Variants in CACNA1E observed in about 807,000 individuals in gnomAD.
The protein encoded by CACNA1E is calcium voltage-gated channel subunit alpha1 E, also known as voltage-dependent R-type calcium channel subunit alpha-1E.
A neutral mutation model predicts 259.2 loss-of-function variants in CACNA1E; 40 were observed. The ratio of observed to expected loss-of-function variants is 0.15; its 90% CI spans 0.12 to 0.20. The LOEUF (loss-of-function observed/expected upper bound fraction) is 0.20, where lower values mean the gene tolerates loss of function less well. CACNA1E is among the 10% of genes least tolerant of loss of function. The pLI is 1.00. For missense variants in CACNA1E, 1,874 were observed against 3,040.1 expected (o/e 0.62, Z 9.02); for synonymous variants, 1,104 against 1,138.5 (o/e 0.97, Z 0.61).
intron 6 of CACNA1E, among the ~76,000 whole-genome samples, chr1:181,593,608 G>T (rs543809763): frequency 1.3e-5 from 2 of 152,012 alleles, no homozygotes; most frequent in African/African-American, 4.8e-5. Flanking sequence ...GCATGATCTC[G>T]GTTCACTGCA....
intron 2 of CACNA1E, among the ~76,000 whole-genome samples, chr1:181,432,798 G>C (rs865776188): frequency 6.6e-6 from 1 of 152,038 alleles, no homozygotes; most frequent in Admixed American, 6.6e-5. Context: ...GATTGGTCTC[G>C]ATCAGTGCTG....
chr1:181,498,077 T>A (rs889882424), intron 1 of CACNA1E, among the ~76,000 whole-genome samples: 4 of 152,206 alleles, frequency 2.6e-5, no homozygotes, highest in Non-Finnish European at 4.4e-5. Flanking sequence ...GTCCATTTTC[T>A]TTTTTCCGGT....
intron 3 of CACNA1E, among the ~76,000 whole-genome samples, chr1:181,574,599 T>G (rs1650759206): frequency 6.6e-6 from 1 of 152,198 alleles, no homozygotes; most frequent in African/African-American, 2.4e-5. Flanking sequence ...CCATTAGAAG[T>G]GTTTCAGATT....
At chr1:181,785,892 A>ACT in intron 43 of CACNA1E, 73 bp downstream of exon 43, 1 of 920,500 alleles carries the variant, frequency 1.1e-6, no homozygotes, top group Non-Finnish European at 1.7e-6. Context: ...AGACCCCAAA[A>ACT]CTCACTGCTC....
At chr1:181,581,078 C>T (rs1427013074) in intron 6 of CACNA1E, among the ~76,000 whole-genome samples, 4 of 151,944 alleles carry the variant, frequency 2.6e-5, no homozygotes, top group Admixed American at 1.3e-4. Flanking sequence ...GTTGGTTGGA[C>T]GTGGCGGTAG....
At chr1:181,654,040 A>G (rs1208875955) in intron 7 of CACNA1E, among the ~76,000 whole-genome samples, 1 of 152,186 alleles carries the variant, frequency 6.6e-6, no homozygotes, top group Non-Finnish European at 1.5e-5. Context: ...AATTATAAAA[A>G]GGTAATTGAG....
intron 2 of CACNA1E, among the ~76,000 whole-genome samples, chr1:181,423,827 G>A (rs1041726520): frequency 6.6e-6 from 1 of 152,156 alleles, no homozygotes; most frequent in Non-Finnish European, 1.5e-5. Context: ...TGCCAAAAGG[G>A]TGCATGGCAG....
At chr1:181,709,988 T>C (rs1653176804) in intron 7 of CACNA1E, among the ~76,000 whole-genome samples, 2 of 152,218 alleles carry the variant, frequency 1.3e-5, no homozygotes, top group Non-Finnish European at 2.9e-5. Context: ...TTTATCCCCA[T>C]TCTTTCACCC....
chr1:181,413,842 TC>T (rs1658066607), intron 2 of CACNA1E, among the ~76,000 whole-genome samples: 1 of 152,228 alleles, frequency 6.6e-6, no homozygotes, highest in Non-Finnish European at 1.5e-5. Context: ...CCCCCAAGGC[TC>T]ACTTGTTTTA....
intron 1 of CACNA1E, among the ~76,000 whole-genome samples, chr1:181,388,257 G>A (rs1483786729): frequency 1.3e-5 from 2 of 152,172 alleles, no homozygotes; most frequent in African/African-American, 4.8e-5. Flanking sequence ...CTTATCTGCG[G>A]TAACGTTCTA....
chr1:181,643,344 C>G (rs1657973421), intron 6 of CACNA1E, among the ~76,000 whole-genome samples: 2 of 152,188 alleles, frequency 1.3e-5, no homozygotes, highest in Non-Finnish European at 2.9e-5. Flanking sequence ...GTTGGAATTA[C>G]TAGGATTTAA....
intron 1 of CACNA1E, 91 bp from the exon 2 acceptor site, chr1:181,510,386 C>A: frequency 3.7e-6 from 3 of 806,218 alleles, no homozygotes; most frequent in Non-Finnish European, 6.5e-6. Flanking sequence ...AGACACAATG[C>A]GGGTTGATAG....
At chr1:181,586,570 C>T (rs928858134) in intron 6 of CACNA1E, among the ~76,000 whole-genome samples, 3 of 151,970 alleles carry the variant, frequency 2.0e-5, no homozygotes, top group African/African-American at 4.8e-5. Context: ...GTGAAGAGCG[C>T]GCTGCAGAGG....
At chr1:181,342,401 T>C (rs976162808) in intron 1 of CACNA1E, among the ~76,000 whole-genome samples, 1 of 152,078 alleles carries the variant, frequency 6.6e-6, no homozygotes, top group Non-Finnish European at 1.5e-5. Context: ...AAACTGCTTG[T>C]AGCAACATCA....
chr1:181,783,070 C>G (rs1380675293), intron 39 of CACNA1E, among the ~76,000 whole-genome samples: 1 of 152,164 alleles, frequency 6.6e-6, no homozygotes, highest in South Asian at 2.1e-4. Context: ...CCTGTTTGCA[C>G]TCTCCCCCTT....
At chr1:181,528,806 G>A (rs1667551561) in intron 3 of CACNA1E, among the ~76,000 whole-genome samples, 1 of 152,200 alleles carries the variant, frequency 6.6e-6, no homozygotes, top group South Asian at 2.1e-4. Context: ...TAGCAGCAAA[G>A]CATTCAAAAG....
At position 181,660,602 on chromosome 1, in the gene CACNA1E, G is replaced by A. The variant is rs566868755; in HGVS notation, c.1055+9161G>A. ...TTCAGTGTTAAACCTTGCATCTCCTGTTGGGTGTGCCATTGCATCTTAGGA... is the reference window on the plus strand; with the variant it reads ...TTCAGTGTTAAACCTTGCATCTCCTATTGGGTGTGCCATTGCATCTTAGGA... On this transcript the variant is annotated intron_variant, in intron 7 of 47. Coordinates refer to ENST00000367573, the MANE Select transcript of CACNA1E (RefSeq NM_001205293.3). Among the ~76,000 whole-genome samples, 92 of 152,320 alleles carry A rather than the reference G, an allele frequency of 6.0e-4. 1 individual carries two copies. Among genetic ancestry groups the A allele is most frequent in the African/African-American group, 2.2e-3 (90 of 41,572 alleles).
chr1:181,727,165 AT>A (rs1654988679), intron 18 of CACNA1E, among the ~76,000 whole-genome samples: 1 of 152,236 alleles, frequency 6.6e-6, no homozygotes, highest in African/African-American at 2.4e-5. Flanking sequence ...GGTTGTTCGC[AT>A]TTAGATGGCA....
chr1:181,331,005 G>A (rs1394685277), intron 1 of CACNA1E, among the ~76,000 whole-genome samples: 1 of 152,148 alleles, frequency 6.6e-6, no homozygotes, highest in Non-Finnish European at 1.5e-5. Context: ...CTCTAGCTGG[G>A]CACCACCATA....
Sources: allele counts gnomAD v4.1 joint callset (sites outside exome capture counted in the v4.1 genomes callset), GRCh38; gene constraint gnomAD v4.1.1; transcripts MANE v1.5; gene names NCBI Gene and HGNC (gene_info 2026-07-23, HGNC 2026-07-21).